The following RGS7 variants were observed in gnomAD, a reference collection of about 807,000 sequenced individuals.
RGS7 encodes regulator of G protein signaling 7, also known as regulator of G-protein signaling 7.
Under a neutral mutation model 81.1 loss-of-function variants are expected in RGS7, and 27 were observed. That is an observed-to-expected ratio of 0.33 (90% CI 0.25 to 0.46). The LOEUF (loss-of-function observed/expected upper bound fraction) is 0.46, where lower values mean the gene tolerates loss of function less well. Ranked by LOEUF, RGS7 falls within the 20% of genes least tolerant of loss-of-function variation. The probability of loss-of-function intolerance (pLI) is 1.00; values close to 1 mark genes in which losing one functional copy is unlikely to be tolerated. For missense variants in RGS7, 396 were observed against 607.4 expected (o/e 0.65, Z 3.66); for synonymous variants, 208 against 207.7 (o/e 1.00, Z -0.01).
chr1:241,054,494 A>T (rs2061391889), intron 3 of RGS7, among the ~76,000 whole-genome samples: 1 of 152,134 alleles, frequency 6.6e-6, no homozygotes, highest in African/African-American at 2.4e-5. Flanking sequence ...AGAATGAATG[A>T]TTCTCAGTTA....
intron 3 of RGS7, among the ~76,000 whole-genome samples, chr1:241,019,017 A>G (rs2059411783): frequency 6.6e-6 from 1 of 152,104 alleles, no homozygotes; most frequent in African/African-American, 2.4e-5. Flanking sequence ...TGCGAAGGCC[A>G]TGAGGGGATT....
chr1:240,801,299 A>C (rs941787001), intron 17 of RGS7, among the ~76,000 whole-genome samples, 156 bp downstream of exon 17: 4 of 152,204 alleles, frequency 2.6e-5, no homozygotes, highest in African/African-American at 9.6e-5. Flanking sequence ...TGGGACAGAA[A>C]GATAAGCAGA....
intron 5 of RGS7, among the ~76,000 whole-genome samples, chr1:240,931,485 T>C (rs148992401): frequency 0.011 from 1,639 of 152,298 alleles, 17 homozygotes; most frequent in Middle Eastern, 0.014. Context: ...GGAGATCCCA[T>C]TCTCCATGAT....
At chr1:240,822,801 T>C (rs1324899450) in intron 10 of RGS7, among the ~76,000 whole-genome samples, 1 of 152,252 alleles carries the variant, frequency 6.6e-6, no homozygotes, top group East Asian at 1.9e-4. Flanking sequence ...TATGATACGA[T>C]GGCCTTAATT....
chr1:241,034,019 A>G lies in RGS7; in HGVS notation c.176-50890T>C, dbSNP rs569009251. Among the ~76,000 whole-genome samples, 3 of 152,338 alleles carry G rather than the reference A, an allele frequency of 2.0e-5. No individual in the cohort carries two copies. In the South Asian group the frequency reaches 6.2e-4, roughly 32 times the overall value. ...AATTATTTGACCAAGGAACTCTTGCACGAAGAAGCATCTTAGAGACTTGTC... is the reference window on the plus strand; with the variant it reads ...AATTATTTGACCAAGGAACTCTTGCGCGAAGAAGCATCTTAGAGACTTGTC... On this transcript the variant is annotated intron_variant, in intron 3 of 18. Transcript: ENST00000440928.
chr1:241,177,623 A>G (rs950917709), intron 2 of RGS7, among the ~76,000 whole-genome samples: 5 of 152,232 alleles, frequency 3.3e-5, no homozygotes, highest in Non-Finnish European at 7.3e-5. Flanking sequence ...GGAGACAGAG[A>G]GAACACTCAA....
chr1:241,017,497 G>A (rs1027521472), intron 3 of RGS7, among the ~76,000 whole-genome samples: 137 of 150,310 alleles, frequency 9.1e-4, no homozygotes, highest in Non-Finnish European at 8.9e-5. Flanking sequence ...CTTCAATTAT[G>A]CCTTTTTTTT....
chr1:241,067,539 A>C (rs2062138651), intron 3 of RGS7, among the ~76,000 whole-genome samples: 1 of 124,524 alleles, frequency 8.0e-6, no homozygotes, highest in African/African-American at 2.9e-5. Context: ...TTTTTTTTTG[A>C]GATGGAGTCT....
intron 2 of RGS7, among the ~76,000 whole-genome samples, chr1:241,264,669 T>A (rs188780268): frequency 6.6e-6 from 1 of 152,320 alleles, no homozygotes; most frequent in East Asian, 1.9e-4. Flanking sequence ...TTATGAAGTC[T>A]CCAGTAAGCT....
rs1220678659 is a variant in RGS7, at chr1:240,868,083, A to AAAGAAAGGAAGAG, written c.609+503_609+504insCTCTTCCTTTCTT. On this transcript the variant is annotated intron_variant, in intron 9 of 18. Transcript: ENST00000440928. This position sits in a 1 kb window ranked among gnomAD's most constrained non-coding sequence, Gnocchi z 5.1. ...AGAAAAGAAGAGAAAAGAAAGAAAG[A>AAAGAAAGGAAGAG]AAAAGAAAGAAAAGAAAAAGAAAGA... Among the ~76,000 whole-genome samples, 1 of 150,006 alleles carries AAAGAAAGGAAGAG rather than the reference A, an allele frequency of 6.7e-6. No homozygotes were observed. The highest frequency in any genetic ancestry group is 2.5e-5 in the African/African-American group (1 of 40,038).
At chr1:241,353,027 C>T (rs935190014) in intron 2 of RGS7, among the ~76,000 whole-genome samples, 2 of 152,148 alleles carry the variant, frequency 1.3e-5, no homozygotes, top group Admixed American at 6.5e-5. Context: ...CTTTCAAGAA[C>T]GATGCTTCAA....
intron 2 of RGS7, among the ~76,000 whole-genome samples, chr1:241,225,296 T>G (rs1383533427): frequency 6.6e-6 from 1 of 152,174 alleles, no homozygotes; most frequent in African/African-American, 2.4e-5. Context: ...AAAGGAAAAG[T>G]AAAAGAATCA....
At chr1:241,062,952 C>A (rs914553567) in intron 3 of RGS7, among the ~76,000 whole-genome samples, 3 of 152,184 alleles carry the variant, frequency 2.0e-5, no homozygotes, top group Non-Finnish European at 4.4e-5. Flanking sequence ...ATTATCAACA[C>A]CACTCCATAC....
At chr1:240,867,877 C>A (rs1432061886) in intron 9 of RGS7, among the ~76,000 whole-genome samples, 1 of 151,788 alleles carries the variant, frequency 6.6e-6, no homozygotes, top group Admixed American at 6.6e-5. Flanking sequence ...TGGCACATGC[C>A]TGTTGTCCCA....
intron 6 of RGS7, among the ~76,000 whole-genome samples, chr1:240,894,377 A>G (rs987336993): frequency 6.6e-6 from 1 of 152,054 alleles, no homozygotes; most frequent in Non-Finnish European, 1.5e-5. Context: ...GATTTCAGTA[A>G]ATACTGCTTG....
intron 9 of RGS7, among the ~76,000 whole-genome samples, chr1:240,833,519 G>C (rs1435637088): frequency 6.6e-6 from 1 of 152,132 alleles, no homozygotes; most frequent in Non-Finnish European, 1.5e-5. Context: ...GTTTATTAGA[G>C]TATTAAATGC....
intron 2 of RGS7, among the ~76,000 whole-genome samples, chr1:241,221,932 A>T (rs918107165): frequency 3.3e-5 from 5 of 152,154 alleles, no homozygotes; most frequent in Admixed American, 6.5e-5. Flanking sequence ...TACATTTTAT[A>T]CTCACACATA....
intron 18 of RGS7, among the ~76,000 whole-genome samples, chr1:240,783,470 A>AG: frequency 6.6e-6 from 1 of 151,762 alleles, no homozygotes; most frequent in African/African-American, 2.4e-5. Context: ...TTAAAAAAAA[A>AG]AAAAAAGCAG....
At chr1:241,199,233 G>A (rs1347123147) in intron 2 of RGS7, among the ~76,000 whole-genome samples, 1 of 152,066 alleles carries the variant, frequency 6.6e-6, no homozygotes, top group Non-Finnish European at 1.5e-5. Context: ...GAGGCGGGCG[G>A]ATCATGAAGT....
Sources: allele counts gnomAD v4.1 joint callset (sites outside exome capture counted in the v4.1 genomes callset), GRCh38; gene constraint gnomAD v4.1.1; non-coding constraint Gnocchi (gnomAD v3.1); transcripts MANE v1.5; gene names NCBI Gene and HGNC (gene_info 2026-07-23, HGNC 2026-07-21).